HERC1: variants seen among roughly 807,000 people sequenced by gnomAD.
HERC1 encodes probable E3 ubiquitin-protein ligase HERC1.
In HERC1, 160 loss-of-function variants were observed where a neutral mutation model predicts 554.3. The ratio of observed to expected loss-of-function variants is 0.29; its 90% CI spans 0.25 to 0.33. HERC1 has a LOEUF of 0.33. Among genes scored for constraint, HERC1 ranks in the 10% least tolerant of loss-of-function variants. HERC1 has a pLI of 1.00. For missense variants in HERC1, 4,919 were observed against 5,918.5 expected (o/e 0.83, Z 5.54); for synonymous variants, 2,175 against 2,131.7 (o/e 1.02, Z -0.56).
At chr15:63,757,103 CA>C (rs1335951930) in intron 4 of HERC1, among the ~76,000 whole-genome samples, 1 of 150,238 alleles carries the variant, frequency 6.7e-6, no homozygotes, top group Non-Finnish European at 1.5e-5. Context: ...TGGCAAGAAC[CA>C]TATAAAATGT....
At chr15:63,634,154 C>T (rs912344237) in intron 66 of HERC1, among the ~76,000 whole-genome samples, 184 bp from the exon 67 acceptor site, 1 of 152,164 alleles carries the variant, frequency 6.6e-6, no homozygotes, top group Non-Finnish European at 1.5e-5. Flanking sequence ...TCTTAATGTC[C>T]ATATATAACT....
Position 63,756,329 on chromosome 15 carries a change from A to C in HERC1, c.1533+108T>G. On this transcript the variant is annotated intron_variant, in intron 5 of 77. Coordinates refer to ENST00000443617, the MANE Select transcript of HERC1 (RefSeq NM_003922.4). The surrounding 1 kb of genome is among the most constrained non-coding windows in gnomAD (Gnocchi z 5.0). ...GCAGAGATACAAAAGATTAAGCCAA[A>C]GGGTTGAAGGGGCAACTGCAGAAAG... 1.2e-6 allele frequency: 1 copy of C among 851,098 alleles called. No homozygotes were observed. 52.7% of individuals were successfully genotyped at this position (851,098 alleles called of 1,614,324 possible). A position where few individuals can be genotyped will look rare whatever the true frequency, so the allele number is the denominator to read the frequency against.
chr15:63,778,320 G>A lies in HERC1; in HGVS notation c.-26-2671C>T, dbSNP rs75412368. ...CTCCCAGAAAGATTAAATCCACACC[G>A]TATCTGAAAACACTGGAAAAGTATC... On this transcript the variant is annotated intron_variant, in intron 1 of 77. Coordinates refer to ENST00000443617, the MANE Select transcript of HERC1 (RefSeq NM_003922.4). 4.7e-3 allele frequency among the ~76,000 whole-genome samples: 720 copies of A among 152,236 alleles called. 10 individuals carry two copies. Among genetic ancestry groups the A allele is most frequent in the African/African-American group, 0.017 (687 of 41,534 alleles).
rs1020867577 is a variant in HERC1 at position 63,727,111 on chromosome 15, A to C, written c.3346+536T>G. 2.0e-5 allele frequency among the ~76,000 whole-genome samples: 3 copies of C among 152,096 alleles called. No homozygotes were observed. Among genetic ancestry groups the C allele is most frequent in the Admixed American group, 6.6e-5 (1 of 15,266 alleles). ...GCCAACATGGTGAAACCCCGTCTCT[A>C]CTAAAAATACAAAAATTAGCTGGAC... On this transcript the variant is annotated intron_variant, in intron 17 of 77. Transcript: ENST00000443617. The surrounding 1 kb of genome is among the most constrained non-coding windows in gnomAD (Gnocchi z 4.3).
At position 63,749,446 on chromosome 15, in the gene HERC1, C is replaced by T; in HGVS notation, c.2140G>A (p.Gly714Ser). 1.2e-6 allele frequency: 2 copies of T among 1,613,822 alleles called. No individual in the cohort carries two copies. The highest frequency in any genetic ancestry group is 1.7e-6 in the Non-Finnish European group (2 of 1,179,782). The change falls in exon 10 of 78, where the codon GGC (glycine) becomes AGC (serine). Residue 714 changes from glycine (G) to serine (S), a missense_variant. Transcript: ENST00000443617. This position sits in a 1 kb window ranked among gnomAD's most constrained non-coding sequence, Gnocchi z 4.1. Reference sequence around the variant, plus strand: ...TGCTGAATAGCTATGCCATCTAAGCCACTCACTTTCTTTGGTTTAGTAATA... The same window carrying T: ...TGCTGAATAGCTATGCCATCTAAGCTACTCACTTTCTTTGGTTTAGTAATA... ...GPITKPKKVS[G>S]LDGIAIQQIS...
In HERC1 at chr15:63,658,446, T is replaced by C. The variant is rs895461871; in HGVS notation, c.9599+98A>G. The C allele has an allele frequency of 5.9e-6, 6 of 1,020,186 alleles. No individual in the cohort carries two copies. The East Asian group carries it at 1.3e-4, about 22-fold the overall frequency. 63.2% of individuals were successfully genotyped at this position (1,020,186 alleles called of 1,614,324 possible). On this transcript the variant is annotated intron_variant, in intron 48 of 77. Transcript: ENST00000443617. ...TTCATTCAACAGTACATATTCAAGCTTCTAAAATTCTATCTCACCCTCCCA... is the reference window on the plus strand; with the variant it reads ...TTCATTCAACAGTACATATTCAAGCCTCTAAAATTCTATCTCACCCTCCCA...
intron 4 of HERC1, among the ~76,000 whole-genome samples, chr15:63,757,262 CTTTT>C (rs56196711): frequency 1.9e-5 from 2 of 107,884 alleles, no homozygotes; most frequent in East Asian, 4.7e-4. Context: ...TTTTTATTTA[CTTTT>C]TTTTTTTTTT....
At chr15:63,786,928 T>C (rs902765574) in intron 1 of HERC1, among the ~76,000 whole-genome samples, 1 of 150,362 alleles carries the variant, frequency 6.7e-6, no homozygotes, top group Non-Finnish European at 1.5e-5. Flanking sequence ...TTATTTTTTT[T>C]TTTTTTATTT....
At position 63,693,944 on chromosome 15, in the gene HERC1, G is replaced by C. The variant is rs1268480407; in HGVS notation, c.5674+20C>G. 6.5e-7 allele frequency: 1 copy of C among 1,545,126 alleles called. No individual in the cohort carries two copies. On this transcript the variant is annotated intron_variant, in intron 30 of 77. Transcript: ENST00000443617. ...TAATAAATGCTTGTAAGTAAAGACA[G>C]AGAAAGAGGCTTACATTACCTCTGA...
At chr15:63,641,214 G>A (rs1488369157) in intron 60 of HERC1, among the ~76,000 whole-genome samples, 1 of 152,158 alleles carries the variant, frequency 6.6e-6, no homozygotes, top group African/African-American at 2.4e-5. Flanking sequence ...GCTTTGGAGT[G>A]AATAAATAAT....
chr15:63,616,103 G>A (rs2067804324), intron 75 of HERC1, among the ~76,000 whole-genome samples, 183 bp from the exon 76 acceptor site: 1 of 152,304 alleles, frequency 6.6e-6, no homozygotes, highest in Middle Eastern at 3.4e-3. Context: ...TCAACCAGCT[G>A]TAGTTAAAAA....
chr15:63,641,836 A>T (rs2069078147), intron 59 of HERC1, among the ~76,000 whole-genome samples, 193 bp from the exon 60 acceptor site: 1 of 152,198 alleles, frequency 6.6e-6, no homozygotes, highest in Admixed American at 6.5e-5. Context: ...GTAAAAAATA[A>T]TGAGAAATAA....
At chr15:63,629,605 G>T (rs77010591) in intron 69 of HERC1, among the ~76,000 whole-genome samples, 44 of 152,304 alleles carry the variant, frequency 2.9e-4, no homozygotes, top group Middle Eastern at 3.4e-3. Flanking sequence ...GAAGGATCAC[G>T]TCACGGCACT....
chr15:63,669,716 T>C lies in HERC1; in HGVS notation c.8046-18A>G, dbSNP rs1252155208. 6.2e-7 allele frequency: 1 copy of C among 1,607,746 alleles called. No individual in the cohort carries two copies. The highest frequency in any genetic ancestry group is 1.1e-5 in the South Asian group (1 of 90,902). ...ACATTTGCCTTTAAGAAAATAACAG[T>C]GGTTAGCATAAAAATCCAATTTACG... On this transcript the variant is annotated intron_variant, in intron 39 of 77. Transcript: ENST00000443617.
chr15:63,814,349 CCTCAT>C (rs2077424730), intron 1 of HERC1, among the ~76,000 whole-genome samples: 1 of 152,038 alleles, frequency 6.6e-6, no homozygotes. Context: ...TGACCCAAAT[CCTCAT>C]CTCAAGAGCA....
chr15:63,786,276 T>TA (rs375937848), intron 1 of HERC1, among the ~76,000 whole-genome samples: 1,654 of 126,240 alleles, frequency 0.013, 15 homozygotes, highest in African/African-American at 0.034. Flanking sequence ...ATGTTTCTAT[T>TA]AAAAAAAAAA....
At chr15:63,683,051 C>T (rs534378744) in intron 34 of HERC1, among the ~76,000 whole-genome samples, 1 of 150,926 alleles carries the variant, frequency 6.6e-6, no homozygotes, top group East Asian at 1.9e-4. Context: ...CGGGAGAATC[C>T]CTTGAAACTG....
chr15:63,654,014 G>A (rs1247198056), intron 51 of HERC1, 105 bp downstream of exon 51: 7 of 821,822 alleles, frequency 8.5e-6, no homozygotes, highest in Non-Finnish European at 6.0e-6. Flanking sequence ...GTGTGAAAGA[G>A]AGTGACACAA....
intron 8 of HERC1, 180 bp downstream of exon 8, chr15:63,752,778 G>C (rs2075294521): frequency 1.9e-6 from 1 of 530,294 alleles, no homozygotes; most frequent in African/African-American, 1.9e-5. Context: ...ACATATGCCA[G>C]GTTAGAAAAC....
Sources: allele counts gnomAD v4.1 joint callset (sites outside exome capture counted in the v4.1 genomes callset), GRCh38; gene constraint gnomAD v4.1.1; non-coding constraint Gnocchi (gnomAD v3.1); transcripts MANE v1.5; gene names NCBI Gene and HGNC (gene_info 2026-07-23, HGNC 2026-07-21).